SGCZ: variants seen among roughly 807,000 people sequenced by gnomAD.
SGCZ encodes zeta-sarcoglycan.
A neutral mutation model predicts 41.3 loss-of-function variants in SGCZ; 40 were observed. The ratio of observed to expected loss-of-function variants is 0.97; its 90% CI spans 0.75 to 1.26. SGCZ has a LOEUF of 1.26. SGCZ is among the 50% of genes most tolerant of loss of function. The pLI is 0.00. For synonymous variants in SGCZ, 206 were observed against 137.5 expected, an observed-to-expected ratio of 1.50 and a Z score of -3.49; for missense variants, 552 against 369.8, an observed-to-expected ratio of 1.49 and a Z score of -4.04.
intron 5 of SGCZ, among the ~76,000 whole-genome samples, chr8:14,151,511 C>T (rs1803708955): frequency 6.6e-6 from 1 of 151,780 alleles, no homozygotes; most frequent in Admixed American, 6.6e-5. Context: ...AATGACAATT[C>T]TCCTAAAATT....
intron 4 of SGCZ, among the ~76,000 whole-genome samples, chr8:14,177,890 AAT>A (rs1804595657): frequency 6.7e-6 from 1 of 150,062 alleles, no homozygotes; most frequent in Non-Finnish European, 1.5e-5. Context: ...GATAAAACTC[AAT>A]GTTACTGCCA....
intron 2 of SGCZ, among the ~76,000 whole-genome samples, chr8:14,444,266 GA>G (rs1323508663): frequency 2.0e-5 from 3 of 152,108 alleles, no homozygotes; most frequent in Non-Finnish European, 4.4e-5. Context: ...ATTCCTCAGG[GA>G]TCTAGAACTA....
At chr8:15,084,760 AAAAG>A (rs1159355071) in intron 1 of SGCZ, among the ~76,000 whole-genome samples, 1 of 150,896 alleles carries the variant, frequency 6.6e-6, no homozygotes, top group East Asian at 1.9e-4. Context: ...TCAAACAAAC[AAAAG>A]AAAGAAAGAA....
Position 14,086,011 on chromosome 8 carries a change from A to G in SGCZ, c.*4432T>C, listed in dbSNP as rs1480970186. Among the ~76,000 whole-genome samples, 1 of 151,784 alleles carries G rather than the reference A, an allele frequency of 6.6e-6. No homozygotes were observed. Among genetic ancestry groups the G allele is most frequent in the Non-Finnish European group, 1.5e-5 (1 of 67,782 alleles). On this transcript the variant is annotated 3_prime_UTR_variant, in exon 8 of 8. Transcript: ENST00000382080. Reference sequence around the variant, plus strand: ...TTAAATTATTGATTAGTTTATGATTATTTAAAATGAATACAAATGCAAATT... The same window carrying G: ...TTAAATTATTGATTAGTTTATGATTGTTTAAAATGAATACAAATGCAAATT...
At chr8:14,462,219 G>C (rs1800920986) in intron 2 of SGCZ, among the ~76,000 whole-genome samples, 3 of 151,570 alleles carry the variant, frequency 2.0e-5, no homozygotes. Flanking sequence ...CTTTTGTGAA[G>C]AAGACCTAAA....
intron 1 of SGCZ, among the ~76,000 whole-genome samples, chr8:14,951,697 T>G (rs1335954136): frequency 6.6e-6 from 1 of 152,064 alleles, no homozygotes; most frequent in African/African-American, 2.4e-5. Flanking sequence ...CATGCTTTTA[T>G]AAATAGCAAT....
At chr8:14,453,158 T>C (rs1163654145) in intron 2 of SGCZ, among the ~76,000 whole-genome samples, 4 of 152,170 alleles carry the variant, frequency 2.6e-5, no homozygotes, top group Admixed American at 6.5e-5. Flanking sequence ...ATACATTATA[T>C]ACATCCTGGA....
intron 4 of SGCZ, among the ~76,000 whole-genome samples, chr8:14,212,702 A>G (rs1360522826): frequency 6.6e-6 from 1 of 152,166 alleles, no homozygotes; most frequent in East Asian, 1.9e-4. Flanking sequence ...GGAAATCACA[A>G]CTTGGAAGAG....
At position 14,284,159 on chromosome 8, in the gene SGCZ, G is replaced by T. The variant is rs1186906769; in HGVS notation, c.336+39944C>A. 4.6e-5 allele frequency among the ~76,000 whole-genome samples: 7 copies of T among 152,222 alleles called. No individual in the cohort carries two copies. In the East Asian group the frequency reaches 1.2e-3, roughly 25 times the overall value. ...GCAATCCAAGCACTTTGGAGTCCAA[G>T]GCAGGCAGATTGCTTGGGTCTAAGA... is the stretch of plus-strand genomic sequence containing the variant. On this transcript the variant is annotated intron_variant, in intron 3 of 7. Coordinates refer to ENST00000382080, the MANE Select transcript of SGCZ (RefSeq NM_139167.4).
intron 5 of SGCZ, among the ~76,000 whole-genome samples, chr8:14,145,141 G>A (rs1055449160): frequency 6.6e-6 from 1 of 152,170 alleles, no homozygotes; most frequent in Non-Finnish European, 1.5e-5. Context: ...ACCCAGTGCT[G>A]TGCTGGCTTC....
At chr8:14,991,940 A>G (rs1802027957) in intron 1 of SGCZ, among the ~76,000 whole-genome samples, 1 of 150,964 alleles carries the variant, frequency 6.6e-6, no homozygotes, top group Non-Finnish European at 1.5e-5. Context: ...CTTGAATTTT[A>G]CCTCTCACCC....
At chr8:14,338,507 C>A (rs978736038) in intron 2 of SGCZ, among the ~76,000 whole-genome samples, 1 of 152,132 alleles carries the variant, frequency 6.6e-6, no homozygotes, top group Admixed American at 6.6e-5. Context: ...GGTGCTTATT[C>A]GAGGTTGCAA....
intron 3 of SGCZ, among the ~76,000 whole-genome samples, chr8:14,257,678 T>C (rs1341644967): frequency 2.0e-5 from 3 of 147,024 alleles, no homozygotes; most frequent in African/African-American, 7.5e-5. Flanking sequence ...TTCCCCTTCC[T>C]GTGTCCAAGT....
At chr8:14,599,360 C>T (rs1043363141) in intron 1 of SGCZ, among the ~76,000 whole-genome samples, 1 of 152,288 alleles carries the variant, frequency 6.6e-6, no homozygotes, top group East Asian at 1.9e-4. Flanking sequence ...CTTGTCAAAA[C>T]CACCTCTACA....
intron 2 of SGCZ, among the ~76,000 whole-genome samples, chr8:14,527,810 T>G (rs1326473564): frequency 6.6e-6 from 1 of 152,050 alleles, no homozygotes; most frequent in African/African-American, 2.4e-5. Flanking sequence ...GAGTAACCCA[T>G]GTCCATAACA....
intron 1 of SGCZ, among the ~76,000 whole-genome samples, chr8:15,194,504 G>A (rs1800654951): frequency 6.6e-6 from 1 of 152,140 alleles, no homozygotes; most frequent in South Asian, 2.1e-4. Context: ...CTTTGCAGAT[G>A]TCATTAAACT....
intron 2 of SGCZ, among the ~76,000 whole-genome samples, chr8:14,512,089 A>G (rs1334294885): frequency 6.6e-6 from 1 of 152,148 alleles, no homozygotes; most frequent in Non-Finnish European, 1.5e-5. Flanking sequence ...TGACACCATG[A>G]AAACTAAAAC....
chr8:15,140,824 T>G (rs556736848), intron 1 of SGCZ, among the ~76,000 whole-genome samples: 1 of 152,162 alleles, frequency 6.6e-6, no homozygotes, highest in Non-Finnish European at 1.5e-5. Flanking sequence ...ATTTCTATCT[T>G]CTCATGAGAA....
At chr8:14,902,149 A>C (rs1413316817) in intron 1 of SGCZ, among the ~76,000 whole-genome samples, 2 of 152,096 alleles carry the variant, frequency 1.3e-5, no homozygotes, top group Non-Finnish European at 2.9e-5. Flanking sequence ...GGGAAACACG[A>C]ACAAAAGCCA....
Sources: allele counts gnomAD v4.1 joint callset (sites outside exome capture counted in the v4.1 genomes callset), GRCh38; gene constraint gnomAD v4.1.1; transcripts MANE v1.5; gene names NCBI Gene and HGNC (gene_info 2026-07-23, HGNC 2026-07-21).